MEGF10: variants seen among roughly 807,000 people sequenced by gnomAD.
The protein encoded by MEGF10 is multiple EGF like domains 10, also known as multiple epidermal growth factor-like domains protein 10.
Under a neutral mutation model 147.5 loss-of-function variants are expected in MEGF10, and 86 were observed. That is an observed-to-expected ratio of 0.58 (90% CI 0.49 to 0.70). The LOEUF is 0.70. Among genes scored for constraint, MEGF10 ranks in the 30% least tolerant of loss-of-function variants. MEGF10 has a pLI of 0.00. For synonymous variants in MEGF10, 478 were observed against 525.5 expected, an observed-to-expected ratio of 0.91 and a Z score of 1.24; for missense variants, 1,329 against 1,487.3, an observed-to-expected ratio of 0.89 and a Z score of 1.75.
chr5:127,273,297 C>T, the MEGF10 span, among the ~76,000 whole-genome samples: 1 of 152,180 alleles, frequency 6.6e-6, no homozygotes, highest in African/African-American at 2.4e-5. Flanking sequence ...GGTGGGGGTT[C>T]CCTTGGCTCA....
chr5:127,412,697 CAAACAAAA>C (rs1364109861), intron 9 of MEGF10, among the ~76,000 whole-genome samples: 3 of 150,956 alleles, frequency 2.0e-5, no homozygotes, highest in Middle Eastern at 3.2e-3. Context: ...AACAAACAAA[CAAACAAAA>C]AAACTACTCC....
chr5:127,359,016 G>T (rs1444841990), intron 4 of MEGF10, among the ~76,000 whole-genome samples: 4 of 151,164 alleles, frequency 2.6e-5, no homozygotes, highest in Non-Finnish European at 5.9e-5. Context: ...AATCCCTTGT[G>T]TGGGATCCAT....
At chr5:127,410,628 C>G (rs757840413) in intron 9 of MEGF10, 27 bp downstream of exon 9, 2 of 1,556,082 alleles carry the variant, frequency 1.3e-6, no homozygotes. Context: ...CCTGGAAGGA[C>G]GTGTCCTGTG....
intron 5 of MEGF10, among the ~76,000 whole-genome samples, chr5:127,396,321 A>G (rs1285343340): frequency 6.6e-6 from 1 of 152,212 alleles, no homozygotes; most frequent in East Asian, 1.9e-4. Flanking sequence ...ATGATTGTCA[A>G]TGAAGTGATA....
intron 9 of MEGF10, among the ~76,000 whole-genome samples, chr5:127,411,416 C>T (rs1487719771): frequency 6.6e-6 from 1 of 152,242 alleles, no homozygotes; most frequent in Non-Finnish European, 1.5e-5. Context: ...ACAGCTGTTA[C>T]TTCATTTATA....
At chr5:127,253,797 A>G in the MEGF10 span, among the ~76,000 whole-genome samples, 1 of 152,084 alleles carries the variant, frequency 6.6e-6, no homozygotes, top group Non-Finnish European at 1.5e-5. Context: ...GAGAATAGAA[A>G]AGAAGTCTCA....
the MEGF10 span, among the ~76,000 whole-genome samples, chr5:127,263,189 A>C: frequency 6.6e-6 from 1 of 152,082 alleles, no homozygotes; most frequent in Non-Finnish European, 1.5e-5. Flanking sequence ...ATTATTTTAG[A>C]CTGAATATTA....
intron 5 of MEGF10, among the ~76,000 whole-genome samples, chr5:127,394,307 A>G (rs1763820199): frequency 6.6e-6 from 1 of 152,162 alleles, no homozygotes. Flanking sequence ...AAAGTATTGG[A>G]GTTGTAGTAT....
At chr5:127,267,721 T>C in the MEGF10 span, among the ~76,000 whole-genome samples, 8,811 of 152,278 alleles carry the variant, frequency 0.058, 293 homozygotes, top group South Asian at 0.095. Flanking sequence ...GAGGTGTTTA[T>C]AGTACTCTCT....
At chr5:127,345,676 T>G (rs1219879538) in intron 4 of MEGF10, among the ~76,000 whole-genome samples, 1 of 152,144 alleles carries the variant, frequency 6.6e-6, no homozygotes, top group African/African-American at 2.4e-5. Flanking sequence ...TAGACATGTT[T>G]CATTATTTTT....
At position 127,447,934 on chromosome 5, in the gene MEGF10, G is replaced by C. The variant is rs551726712; in HGVS notation, c.2856+250G>C. 3.9e-5 allele frequency among the ~76,000 whole-genome samples: 6 copies of C among 152,272 alleles called. No homozygotes were observed. In the East Asian group the frequency reaches 1.2e-3, roughly 29 times the overall value. The stretch of plus-strand genomic sequence containing the variant: ...ATAATGAGTGAGGCAGCTGCTGTGT[G>C]AGTCAAAGTCTCTCTGTCTCTACAA... On this transcript the variant is annotated intron_variant, in intron 21 of 24. Transcript: ENST00000503335.
At chr5:127,271,260 T>A in the MEGF10 span, among the ~76,000 whole-genome samples, 2 of 152,214 alleles carry the variant, frequency 1.3e-5, no homozygotes, top group Non-Finnish European at 2.9e-5. Flanking sequence ...TTCTGACTGG[T>A]GTGAGATGGT....
intron 5 of MEGF10, among the ~76,000 whole-genome samples, chr5:127,381,221 G>A (rs1183922125): frequency 6.6e-6 from 1 of 152,120 alleles, no homozygotes; most frequent in Non-Finnish European, 1.5e-5. Flanking sequence ...TGAACAGTAA[G>A]AAATTAGGCA....
intron 18 of MEGF10, 37 bp from the exon 19 acceptor site, chr5:127,442,961 C>T: frequency 6.3e-7 from 1 of 1,590,076 alleles, no homozygotes; most frequent in East Asian, 2.3e-5. Flanking sequence ...TCCAAATTCC[C>T]AAGGTTGGAA....
intron 1 of MEGF10, among the ~76,000 whole-genome samples, chr5:127,325,910 T>TATATA (rs1491263807): frequency 5.7e-5 from 1 of 17,642 alleles, no homozygotes; most frequent in Non-Finnish European, 1.3e-4. Context: ...TATATATATA[T>TATATA]TTTTTTTTTT....
At position 127,420,109 on chromosome 5, in the gene MEGF10, A is replaced by G; in HGVS notation, c.1492A>G (p.Thr498Ala). The G allele has an allele frequency of 6.2e-7, 1 of 1,614,148 alleles. No homozygotes were observed. The highest frequency in any genetic ancestry group is 8.5e-7 in the Non-Finnish European group (1 of 1,180,016). The change falls in exon 12 of 25, where the codon ACA becomes GCA. Residue 498 changes from threonine (T) to alanine (A), a missense_variant. Transcript: ENST00000503335. ...CACATGGGGCTTTGGCTGTAACTTA[A>G]CATGCCAGTGCCTCAACGGGGGAGC... Reference protein sequence around the residue: ...SGTWGFGCNLTCQCLNGGACN... With the variant: ...SGTWGFGCNLACQCLNGGACN...
intron 13 of MEGF10, among the ~76,000 whole-genome samples, chr5:127,430,717 A>G (rs1765363302): frequency 6.6e-6 from 1 of 152,198 alleles, no homozygotes; most frequent in African/African-American, 2.4e-5. Context: ...ATAGGAGAAG[A>G]GGGTACAGCA....
chr5:127,429,265 T>A (rs1262875771), intron 13 of MEGF10, among the ~76,000 whole-genome samples: 1 of 152,220 alleles, frequency 6.6e-6, no homozygotes, highest in Admixed American at 6.5e-5. Context: ...TGGGCTTACA[T>A]GTAAAAACAC....
intron 12 of MEGF10, among the ~76,000 whole-genome samples, chr5:127,422,094 C>T (rs1765033112): frequency 6.6e-6 from 1 of 151,622 alleles, no homozygotes. Flanking sequence ...AGTGTGTTGG[C>T]ATGATTGGCT....
Sources: gnomAD v4.1 joint callset for allele counts (sites outside exome capture counted in the v4.1 genomes callset) on GRCh38, gnomAD v4.1.1 for gene constraint, MANE v1.5 for transcripts, NCBI Gene and HGNC (gene_info 2026-07-23, HGNC 2026-07-21) for gene names.